PRELID2: variants seen among roughly 807,000 people sequenced by gnomAD.
PRELID2 encodes the protein PRELI domain containing 2.
In PRELID2, 25 loss-of-function variants were observed where a neutral mutation model predicts 28.4. The ratio of observed to expected loss-of-function variants is 0.88; its 90% confidence interval spans 0.64 to 1.23. The LOEUF (loss-of-function observed/expected upper bound fraction) is 1.23. PRELID2 is among the 50% of genes most tolerant of loss of function. The probability of loss-of-function intolerance (pLI) is 0.00; values close to 1 mark genes in which losing one functional copy is unlikely to be tolerated. For synonymous variants in PRELID2, 76 were observed against 71.6 expected, an observed-to-expected ratio of 1.06 and a Z score of -0.31; for missense variants, 201 against 214.4, an observed-to-expected ratio of 0.94 and a Z score of 0.39.
At chr5:145,484,950 C>A (rs1322974840) in intron 1 of PRELID2, among the ~76,000 whole-genome samples, 2 of 152,140 alleles carry the variant, frequency 1.3e-5, no homozygotes, top group African/African-American at 4.8e-5. Flanking sequence ...CTACCAGGGG[C>A]TCTTCTAGCT....
the PRELID2 span, among the ~76,000 whole-genome samples, chr5:145,263,563 T>TA: frequency 9.9e-5 from 15 of 151,400 alleles, no homozygotes; most frequent in East Asian, 9.7e-4. Context: ...TTTGAAAAGA[T>TA]AAAAAAAATT....
chr5:145,426,969 C>T, the PRELID2 span, among the ~76,000 whole-genome samples: 3 of 152,202 alleles, frequency 2.0e-5, no homozygotes, highest in East Asian at 1.9e-4. Flanking sequence ...CTTTTTTGTT[C>T]GGCAACTGAG....
the PRELID2 span, among the ~76,000 whole-genome samples, chr5:145,400,237 T>C: frequency 6.6e-6 from 1 of 152,076 alleles, no homozygotes; most frequent in Non-Finnish European, 1.5e-5. Flanking sequence ...CAGACCAAAA[T>C]AATATAAAAT....
Position 145,820,150 on chromosome 5 carries a change from G to A in PRELID2, c.134-132C>T, listed in dbSNP as rs531246132. On this transcript the variant is annotated intron_variant, in intron 2 of 6. Coordinates refer to ENST00000683046, the MANE Select transcript of PRELID2 (RefSeq NM_205846.3). ...TTTTTTTTTTTGAGACACCCAGGCT[G>A]GAGTGCAATGGCACGGTCTCGGCTC... The A allele has an allele frequency of 8.4e-6, 5 of 597,352 alleles. No homozygotes were observed. In the East Asian group the frequency reaches 1.5e-4, roughly 17 times the overall value. 37.0% of individuals were successfully genotyped at this position (597,352 alleles called of 1,614,324 possible).
intron 1 of PRELID2, among the ~76,000 whole-genome samples, chr5:145,747,385 ATAC>A (rs1466801991): frequency 6.6e-6 from 1 of 152,194 alleles, no homozygotes; most frequent in African/African-American, 2.4e-5. Flanking sequence ...CCATCAGAGA[ATAC>A]TAAAAACACC....
chr5:145,474,758 T>C (rs1411935610), intron 1 of PRELID2, among the ~76,000 whole-genome samples: 1 of 152,176 alleles, frequency 6.6e-6, no homozygotes, highest in Admixed American at 6.6e-5. Flanking sequence ...GGGATGTGCA[T>C]GCTACAGATT....
At chr5:145,386,107 A>G in the PRELID2 span, among the ~76,000 whole-genome samples, 1 of 152,082 alleles carries the variant, frequency 6.6e-6, no homozygotes. Context: ...ATGGCTGGGG[A>G]GTCCTCAGGA....
chr5:145,333,729 G>A, the PRELID2 span, among the ~76,000 whole-genome samples: 2 of 151,236 alleles, frequency 1.3e-5, no homozygotes, highest in Admixed American at 1.3e-4. Context: ...GATCCACTGA[G>A]CTAGACCACT....
the PRELID2 span, among the ~76,000 whole-genome samples, chr5:145,322,344 C>G: frequency 6.6e-6 from 1 of 152,204 alleles, no homozygotes; most frequent in East Asian, 1.9e-4. Flanking sequence ...CTTCAGCTCT[C>G]CACACTGAAA....
At chr5:145,431,019 T>G in the PRELID2 span, among the ~76,000 whole-genome samples, 13 of 145,622 alleles carry the variant, frequency 8.9e-5, no homozygotes, top group African/African-American at 2.6e-4. Flanking sequence ...TTTTTTTTTT[T>G]TTTTTTTTTT....
chr5:145,451,639 A>T, the PRELID2 span, among the ~76,000 whole-genome samples: 5 of 152,142 alleles, frequency 3.3e-5, no homozygotes, highest in African/African-American at 1.2e-4. Flanking sequence ...TATTATGGGT[A>T]TATGTTGAGA....
the PRELID2 span, among the ~76,000 whole-genome samples, chr5:145,362,359 A>C: frequency 6.6e-6 from 1 of 152,100 alleles, no homozygotes; most frequent in South Asian, 2.1e-4. Flanking sequence ...ATATTCACTA[A>C]CATCTTTAGA....
At chr5:145,431,348 A>G in the PRELID2 span, among the ~76,000 whole-genome samples, 1 of 152,174 alleles carries the variant, frequency 6.6e-6, no homozygotes, top group African/African-American at 2.4e-5. Context: ...TGAATAAACT[A>G]GGAAACTCTG....
chr5:145,671,397 A>T (rs987118003), intron 1 of PRELID2, among the ~76,000 whole-genome samples: 3 of 152,154 alleles, frequency 2.0e-5, no homozygotes, highest in Non-Finnish European at 2.9e-5. Flanking sequence ...CCTAGATTAG[A>T]TTCTCTGAAT....
At chr5:145,418,902 C>G in the PRELID2 span, among the ~76,000 whole-genome samples, 1 of 148,012 alleles carries the variant, frequency 6.8e-6, no homozygotes, top group African/African-American at 2.5e-5. Context: ...ACAACAGTCC[C>G]CAGAGTGTGA....
the PRELID2 span, among the ~76,000 whole-genome samples, chr5:145,273,327 CT>C: frequency 0.015 from 2,288 of 152,202 alleles, 24 homozygotes; most frequent in Non-Finnish European, 0.022. Flanking sequence ...CTGTATCCTG[CT>C]TTTCGGGTCT....
chr5:145,600,434 A>AAAAAATATATATATATATATAT (rs1315631607), intron 1 of PRELID2, among the ~76,000 whole-genome samples: 1 of 120,112 alleles, frequency 8.3e-6, no homozygotes, highest in African/African-American at 4.1e-5. Flanking sequence ...AAAAAAAAAA[A>AAAAAATATATATATATATATAT]ATATATATAT....
chr5:145,480,926 A>G (rs1348920917), intron 1 of PRELID2, among the ~76,000 whole-genome samples: 1 of 152,200 alleles, frequency 6.6e-6, no homozygotes, highest in Non-Finnish European at 1.5e-5. Context: ...GAAATGTTTT[A>G]AAAGTTAAGT....
chr5:145,337,118 T>C, the PRELID2 span, among the ~76,000 whole-genome samples: 2 of 150,502 alleles, frequency 1.3e-5, no homozygotes, highest in Admixed American at 1.3e-4. Flanking sequence ...ATAATAATAA[T>C]AATAATAATA....
Sources: allele counts gnomAD v4.1 joint callset (sites outside exome capture counted in the v4.1 genomes callset), GRCh38; gene constraint gnomAD v4.1.1; transcripts MANE v1.5; gene names NCBI Gene and HGNC (gene_info 2026-07-23, HGNC 2026-07-21).